Variants in LONRF1 observed in about 807,000 individuals in gnomAD.
The protein encoded by LONRF1 is LON peptidase N-terminal domain and ring finger 1, also known as LON peptidase N-terminal domain and RING finger protein 1.
A neutral mutation model predicts 85.8 loss-of-function variants in LONRF1; 37 were observed. The observed-to-expected ratio is 0.43, with a 90% CI of 0.33 to 0.57. The LOEUF (loss-of-function observed/expected upper bound fraction) is 0.57, where lower values mean the gene tolerates loss of function less well. Ranked by LOEUF, LONRF1 falls within the 20% of genes least tolerant of loss-of-function variation. The pLI, the probability that LONRF1 is intolerant of heterozygous loss-of-function variation, is 0.04. For missense variants in LONRF1, 1,036 were observed against 978.0 expected, an observed-to-expected ratio of 1.06 and a Z score of -0.79; for synonymous variants, 517 against 390.1, an observed-to-expected ratio of 1.33 and a Z score of -3.83.
At chr8:12,725,485 T>C (rs1291118603) in intron 11 of LONRF1, among the ~76,000 whole-genome samples, 1 of 152,210 alleles carries the variant, frequency 6.6e-6, no homozygotes, top group Non-Finnish European at 1.5e-5. Context: ...GCTCCCTTTC[T>C]GGCACTCTCT....
chr8:12,753,156 T>C (rs1799478148), intron 1 of LONRF1: 1 of 152,208 alleles, frequency 6.6e-6, no homozygotes, highest in African/African-American at 2.4e-5. Flanking sequence ...AGCCTACCTT[T>C]CTATTTTATA....
chr8:12,736,133 T>C (rs1798706613), intron 6 of LONRF1, among the ~76,000 whole-genome samples: 1 of 152,148 alleles, frequency 6.6e-6, no homozygotes, highest in South Asian at 2.1e-4. Flanking sequence ...CAGCCTAGTG[T>C]GACCAGCACT....
In LONRF1 at chr8:12,722,996, A is replaced by T; in HGVS notation, c.*100T>A. 1 of 1,169,868 alleles carries T rather than the reference A, an allele frequency of 8.5e-7. No individual in the cohort carries two copies. Among genetic ancestry groups the T allele is most frequent in the Non-Finnish European group, 1.2e-6 (1 of 843,626 alleles). 72.5% of individuals were successfully genotyped at this position (1,169,868 alleles called of 1,614,324 possible). On this transcript the variant is annotated 3_prime_UTR_variant, in exon 12 of 12. Transcript: ENST00000398246. ...TCGAAGGAAAAAGAAAAGTTTCATT[A>T]AATTTCTGAAACCAGCACTAGATGT...
At chr8:12,731,697 G>A (rs1563139503) in intron 8 of LONRF1, 39 bp downstream of exon 8, 1 of 1,572,374 alleles carries the variant, frequency 6.4e-7, no homozygotes, top group East Asian at 2.2e-5. Flanking sequence ...ACTATTAAAG[G>A]GTAGTAGTTC....
At chr8:12,724,682 A>G (rs895627120) in intron 11 of LONRF1, among the ~76,000 whole-genome samples, 1 of 152,158 alleles carries the variant, frequency 6.6e-6, no homozygotes, top group African/African-American at 2.4e-5. Flanking sequence ...GTTATGCTGA[A>G]TTTTTCTATA....
intron 3 of LONRF1, among the ~76,000 whole-genome samples, chr8:12,739,936 A>C (rs1291937328): frequency 5.3e-5 from 8 of 152,168 alleles, no homozygotes; most frequent in Admixed American, 3.9e-4. Context: ...CTGGATTCTT[A>C]AGGCGGCTGA....
At chr8:12,752,443 T>G (rs1799445814) in intron 1 of LONRF1, among the ~76,000 whole-genome samples, 1 of 152,232 alleles carries the variant, frequency 6.6e-6, no homozygotes, top group South Asian at 2.1e-4. Context: ...TTATCCTCAT[T>G]AGTGCCATTC....
chr8:12,725,397 T>A (rs1798257635), intron 11 of LONRF1, among the ~76,000 whole-genome samples: 1 of 152,184 alleles, frequency 6.6e-6, no homozygotes, highest in African/African-American at 2.4e-5. Context: ...TGGTTAGTTG[T>A]CCCACAGTCA....
chr8:12,737,177 T>C, intron 4 of LONRF1, 37 bp from the exon 5 acceptor site: 1 of 1,597,566 alleles, frequency 6.3e-7, no homozygotes, highest in South Asian at 1.1e-5. Context: ...ACTGTATTTC[T>C]TTACTATCCT....
chr8:12,725,863 T>A lies in LONRF1; in HGVS notation c.2027A>T (p.Glu676Val), dbSNP rs766903736. 6.2e-7 allele frequency: 1 copy of A among 1,609,678 alleles called. No homozygotes were observed. Among genetic ancestry groups the A allele is most frequent in the South Asian group, 1.1e-5 (1 of 90,974 alleles). Residue 676 changes from glutamate to valine, a missense_variant, in exon 11 of 12, where the codon GAG becomes GTG. Around this residue, in one of 3 missense-constraint regions of LONRF1, gnomAD observed 265 missense variants for 301.5 expected, o/e 0.88. Transcript: ENST00000398246. Reference sequence around the variant, plus strand: ...ATGAAGCTCTCTGAGATTCTTAATCTCATCTTCATTCTCAACCTAGAAATA... The same window carrying A: ...ATGAAGCTCTCTGAGATTCTTAATCACATCTTCATTCTCAACCTAGAAATA... ...LEDVKVENED[E>V]IKNLRELHDL...
intron 1 of LONRF1, chr8:12,753,220 T>C (rs539604286): frequency 6.6e-6 from 1 of 152,336 alleles, no homozygotes; most frequent in South Asian, 2.1e-4. Flanking sequence ...CCGGGGTTTG[T>C]GCTTCGAACT....
At chr8:12,742,893 T>C (rs1319852268) in intron 2 of LONRF1, among the ~76,000 whole-genome samples, 2 of 152,050 alleles carry the variant, frequency 1.3e-5, no homozygotes, top group Non-Finnish European at 2.9e-5. Context: ...GCCAGGCTCA[T>C]TTTTGTGTTT....
At chr8:12,737,663 C>T (rs1798772558) in intron 4 of LONRF1, among the ~76,000 whole-genome samples, 1 of 152,072 alleles carries the variant, frequency 6.6e-6, no homozygotes, top group Admixed American at 6.6e-5. Flanking sequence ...CCCTAGAAAT[C>T]AAGGTGACTT....
intron 1 of LONRF1, among the ~76,000 whole-genome samples, chr8:12,748,899 T>C (rs1799270113): frequency 6.6e-6 from 1 of 152,008 alleles, no homozygotes; most frequent in African/African-American, 2.4e-5. Flanking sequence ...TGATAAGCTG[T>C]TGATCATTGA....
Position 12,754,933 on chromosome 8 carries a change from G to T in LONRF1, c.488C>A (p.Pro163Gln). Residue 163 changes from proline (P) to glutamine (Q), a missense_variant, in exon 1 of 12, where the codon CCG (proline) becomes CAG (glutamine). Pro to Gln is a moderately conservative substitution (Grantham distance 76). Coordinates refer to ENST00000398246, the MANE Select transcript of LONRF1 (RefSeq NM_152271.5). ...ATCAGTGGCACTGGCGGTGGCGGGC[G>T]GCAGCCGGTCCCGGCAGAGGCGGCA... ...ARCRLCRDRL[P>Q]PATASATDAE... The T allele has an allele frequency of 1.3e-6, 2 of 1,489,658 alleles. No homozygotes were observed. The highest frequency in any genetic ancestry group is 1.8e-6 in the Non-Finnish European group (2 of 1,124,250). The allele number at this position is 1,489,658 out of a possible 1,614,324, so 92.3% of individuals were successfully genotyped here.
rs562224527 is a variant in LONRF1 at position 12,731,782 on chromosome 8, A to C, written c.1642T>G (p.Ser548Ala). 1.1e-5 allele frequency: 17 copies of C among 1,613,028 alleles called. No homozygotes were observed. Among genetic ancestry groups the C allele is most frequent in the Non-Finnish European group, 5.1e-6 (6 of 1,179,394 alleles). The change falls in exon 8 of 12, where the codon TCT becomes GCT. Residue 548 changes from serine to alanine, a missense_variant. Physicochemically the swap from Ser to Ala is moderately conservative, Grantham distance 99. Coordinates refer to ENST00000398246, the MANE Select transcript of LONRF1 (RefSeq NM_152271.5). ...TCATCATATATTTTTTTTCTCTCAG[A>C]CAGTTCATCAGGCAGATACTTCACT... ...LIVKYLPDEL[S>A]ERKKIYDEET...
intron 11 of LONRF1, among the ~76,000 whole-genome samples, chr8:12,724,351 G>C (rs1193128591): frequency 6.6e-6 from 1 of 152,134 alleles, no homozygotes; most frequent in Admixed American, 6.5e-5. Flanking sequence ...TGAGACAGTG[G>C]TGCAGACTTG....
chr8:12,742,939 T>C (rs184934179), intron 2 of LONRF1, among the ~76,000 whole-genome samples: 4 of 152,272 alleles, frequency 2.6e-5, no homozygotes, highest in Non-Finnish European at 5.9e-5. Context: ...TTGCCCAAGC[T>C]GGTCTCAAAC....
intron 1 of LONRF1, among the ~76,000 whole-genome samples, chr8:12,744,875 TA>T (rs748171599): frequency 8.3e-4 from 36 of 43,114 alleles, no homozygotes; most frequent in Non-Finnish European, 2.0e-3. Flanking sequence ...CTTGGATTTT[TA>T]TTTTTTTTAA....
Sources: gnomAD v4.1 joint callset for allele counts (sites outside exome capture counted in the v4.1 genomes callset) on GRCh38, gnomAD v4.1.1 for gene constraint, gnomAD v4.1.1 regional missense constraint, MANE v1.5 for transcripts, NCBI Gene and HGNC (gene_info 2026-07-23, HGNC 2026-07-21) for gene names.